The following ROBO2 variants were observed in gnomAD, a reference collection of about 807,000 sequenced individuals.
ROBO2 encodes roundabout homolog 2.
Under a neutral mutation model 160.8 loss-of-function variants are expected in ROBO2, and 53 were observed. The ratio of observed to expected loss-of-function variants is 0.33; its 90% CI spans 0.26 to 0.41. The LOEUF is 0.41. ROBO2 is among the 10% of genes least tolerant of loss of function. The probability of loss-of-function intolerance (pLI) is 1.00; values close to 1 mark genes in which losing one functional copy is unlikely to be tolerated. For synonymous variants in ROBO2, 664 were observed against 611.7 expected, an observed-to-expected ratio of 1.09 and a Z score of -1.26; for missense variants, 1,577 against 1,722.4, an observed-to-expected ratio of 0.92 and a Z score of 1.49.
intron 2 of ROBO2, among the ~76,000 whole-genome samples, chr3:77,379,857 C>T (rs1197922253): frequency 6.6e-6 from 1 of 152,150 alleles, no homozygotes; most frequent in Non-Finnish European, 1.5e-5. Context: ...AGCTCAGACT[C>T]CATTCACCTT....
chr3:76,244,270 G>A (rs1302580476), intron 2 of ROBO2, among the ~76,000 whole-genome samples: 1 of 152,134 alleles, frequency 6.6e-6, no homozygotes, highest in Non-Finnish European at 1.5e-5. Flanking sequence ...TTCTTCCTTT[G>A]TCTTTGTAAC....
At chr3:76,348,553 G>A (rs2108262021) in intron 2 of ROBO2, among the ~76,000 whole-genome samples, 2 of 152,204 alleles carry the variant, frequency 1.3e-5, no homozygotes, top group Admixed American at 1.3e-4. Flanking sequence ...GCAAAAGCAA[G>A]GGTAAAAGTT....
At chr3:76,868,579 T>G (rs548870836) in intron 2 of ROBO2, among the ~76,000 whole-genome samples, 1 of 152,354 alleles carries the variant, frequency 6.6e-6, no homozygotes, top group South Asian at 2.1e-4. Context: ...GTTGCCTCTG[T>G]TGCTAAAATA....
intron 2 of ROBO2, among the ~76,000 whole-genome samples, chr3:77,361,346 CTT>C (rs1416407974): frequency 1.3e-5 from 2 of 151,742 alleles, no homozygotes; most frequent in Admixed American, 6.6e-5. Flanking sequence ...CTATTTTTTT[CTT>C]TGTTATTTAT....
chr3:76,217,422 T>G (rs1035480171), intron 2 of ROBO2, among the ~76,000 whole-genome samples: 1 of 152,004 alleles, frequency 6.6e-6, no homozygotes, highest in African/African-American at 2.4e-5. Context: ...TCTAGAAGAC[T>G]AATAAAGAAG....
At chr3:77,161,433 A>G (rs1213986834) in intron 2 of ROBO2, among the ~76,000 whole-genome samples, 1 of 152,200 alleles carries the variant, frequency 6.6e-6, no homozygotes, top group Admixed American at 6.5e-5. Context: ...TGGACTCTTT[A>G]TTAAGGACAA....
chr3:77,515,273 C>T (rs1007628574), intron 5 of ROBO2, among the ~76,000 whole-genome samples: 1 of 151,354 alleles, frequency 6.6e-6, no homozygotes, highest in African/African-American at 2.4e-5. Context: ...CATAGTGGGT[C>T]GGTGATGTTG....
chr3:76,515,593 T>C (rs991947226), intron 2 of ROBO2, among the ~76,000 whole-genome samples: 67 of 152,182 alleles, frequency 4.4e-4, no homozygotes, highest in African/African-American at 1.6e-3. Flanking sequence ...TGTGTACATT[T>C]GCATATAAAG....
At chr3:76,274,537 A>C (rs1201422199) in intron 2 of ROBO2, among the ~76,000 whole-genome samples, 2 of 152,046 alleles carry the variant, frequency 1.3e-5, no homozygotes, top group East Asian at 3.9e-4. Context: ...CAAAAACCCT[A>C]GTTTCAAGAA....
chr3:76,545,909 G>GA (rs2083072335), intron 2 of ROBO2, among the ~76,000 whole-genome samples: 1 of 151,694 alleles, frequency 6.6e-6, no homozygotes, highest in African/African-American at 2.4e-5. Context: ...TACGAAAACA[G>GA]TATATTTCCA....
rs139156051 is a variant in ROBO2, at chr3:76,877,979, C to T, written c.110-220035C>T. On this transcript the variant is annotated intron_variant, in intron 2 of 26. Coordinates refer to the ROBO2 transcript ENST00000487694. ...CTCTCTTCCTCTTCTTATAGGGCCA[C>T]CAGACCTATCAGATTAGGGCCTCAC... 5.3e-5 allele frequency among the ~76,000 whole-genome samples: 8 copies of T among 152,222 alleles called. No homozygotes were observed. The East Asian group carries it at 1.5e-3, about 29-fold the overall frequency.
intron 2 of ROBO2, among the ~76,000 whole-genome samples, chr3:76,485,478 G>A (rs1270297655): frequency 3.9e-5 from 6 of 152,094 alleles, no homozygotes; most frequent in Admixed American, 2.0e-4. Context: ...TGTGTGGCCC[G>A]GTTCCTAACA....
At chr3:76,565,949 T>C (rs2084491434) in intron 2 of ROBO2, among the ~76,000 whole-genome samples, 1 of 152,158 alleles carries the variant, frequency 6.6e-6, no homozygotes, top group Non-Finnish European at 1.5e-5. Flanking sequence ...CTCATCATCG[T>C]AGCCAACGGG....
chr3:76,969,185 C>G (rs1362733796), intron 2 of ROBO2, among the ~76,000 whole-genome samples: 1 of 151,922 alleles, frequency 6.6e-6, no homozygotes, highest in East Asian at 1.9e-4. Flanking sequence ...AAAATTTCAC[C>G]TTATCTATTG....
chr3:76,434,657 C>T (rs751201953), intron 2 of ROBO2: 97 of 1,216,562 alleles, frequency 8.0e-5, no homozygotes, highest in Non-Finnish European at 1.1e-4. Context: ...GTGGACTCTG[C>T]CATCTGGACC....
intron 2 of ROBO2, among the ~76,000 whole-genome samples, chr3:76,429,927 C>T (rs147354808): frequency 3.9e-5 from 6 of 152,088 alleles, no homozygotes; most frequent in South Asian, 4.2e-4. Flanking sequence ...ATGGTGAGGG[C>T]GAGAACAGCA....
intron 2 of ROBO2, among the ~76,000 whole-genome samples, chr3:76,359,294 T>G (rs2075367284): frequency 6.6e-6 from 1 of 151,972 alleles, no homozygotes; most frequent in South Asian, 2.1e-4. Context: ...CTAGAAAGGA[T>G]GCTTTAAAAT....
At chr3:76,702,240 C>T (rs1576089581) in intron 2 of ROBO2, among the ~76,000 whole-genome samples, 1 of 151,894 alleles carries the variant, frequency 6.6e-6, no homozygotes, top group South Asian at 2.1e-4. Flanking sequence ...TGTGCATGTT[C>T]CCAGAAGCCA....
chr3:77,078,985 C>G (rs1000692303), intron 1 of ROBO2, among the ~76,000 whole-genome samples: 23 of 151,994 alleles, frequency 1.5e-4, no homozygotes, highest in African/African-American at 5.3e-4. Context: ...GCTGTGTCAC[C>G]CAGGCTGGAG....
Sources: allele counts gnomAD v4.1 joint callset (sites outside exome capture counted in the v4.1 genomes callset), GRCh38; gene constraint gnomAD v4.1.1; transcripts MANE v1.5; gene names NCBI Gene and HGNC (gene_info 2026-07-23, HGNC 2026-07-21).